Variants in RBFOX1 observed in about 807,000 individuals in gnomAD.
RBFOX1 encodes the protein RNA binding protein fox-1 homolog 1.
A neutral mutation model predicts 57.7 loss-of-function variants in RBFOX1; 8 were observed. The ratio of observed to expected loss-of-function variants is 0.14; its 90% CI spans 0.08 to 0.25. RBFOX1 has a LOEUF of 0.25. RBFOX1 is among the 10% of genes least tolerant of loss of function. The probability of loss-of-function intolerance (pLI) is 1.00; values close to 1 mark genes in which losing one functional copy is unlikely to be tolerated. For missense variants in RBFOX1, 611 were observed against 548.5 expected (o/e 1.11, Z -1.14); for synonymous variants, 326 against 222.4 (o/e 1.47, Z -4.15).
chr16:6,791,975 G>C (rs997643520), intron 3 of RBFOX1, among the ~76,000 whole-genome samples: 1 of 152,120 alleles, frequency 6.6e-6, no homozygotes, highest in Non-Finnish European at 1.5e-5. Context: ...ATGTGTCTTG[G>C]ATTTATAGTC....
At chr16:6,858,714 C>A (rs907112794) in intron 3 of RBFOX1, among the ~76,000 whole-genome samples, 2 of 152,010 alleles carry the variant, frequency 1.3e-5, no homozygotes, top group Non-Finnish European at 2.9e-5. Flanking sequence ...TATGAGTGTT[C>A]AGCTCAGCCT....
intron 3 of RBFOX1, among the ~76,000 whole-genome samples, chr16:6,717,583 CTTT>C (rs57111084): frequency 1.4e-5 from 2 of 143,062 alleles, no homozygotes; most frequent in Non-Finnish European, 1.5e-5. Context: ...ATGCTGAAGT[CTTT>C]TTTTTTTTTT....
At chr16:5,562,055 C>T (rs1464672052) in intron 2 of RBFOX1, among the ~76,000 whole-genome samples, 1 of 152,002 alleles carries the variant, frequency 6.6e-6, no homozygotes, top group Admixed American at 6.5e-5. Flanking sequence ...TTTTTATTTC[C>T]AGGGTGAGAC....
chr16:5,302,608 G>T (rs12932568), intron 1 of RBFOX1, among the ~76,000 whole-genome samples: 23,645 of 152,070 alleles, frequency 0.16, 1,919 homozygotes, highest in Non-Finnish European at 0.18. Flanking sequence ...TCTGTTAATA[G>T]GTACAGCATA....
intron 4 of RBFOX1, among the ~76,000 whole-genome samples, chr16:7,512,881 C>G (rs1567602109): frequency 6.6e-6 from 1 of 152,368 alleles, no homozygotes; most frequent in South Asian, 2.1e-4. Flanking sequence ...ATCAAATACC[C>G]TAGTCCCTGG....
chr16:7,082,933 T>C (rs1025729132), intron 4 of RBFOX1, among the ~76,000 whole-genome samples: 3 of 152,196 alleles, frequency 2.0e-5, no homozygotes, highest in African/African-American at 7.2e-5. Context: ...TGTAAATGTT[T>C]CCACTGTGAA....
intron 3 of RBFOX1, among the ~76,000 whole-genome samples, chr16:6,751,882 C>T (rs138589858): frequency 3.7e-4 from 57 of 152,234 alleles, no homozygotes; most frequent in African/African-American, 1.3e-3. Flanking sequence ...GATGGAGATG[C>T]GCTGCTGGTT....
intron 1 of RBFOX1, among the ~76,000 whole-genome samples, chr16:5,418,336 G>C (rs897901998): frequency 2.2e-5 from 3 of 136,900 alleles, no homozygotes; most frequent in African/African-American, 8.2e-5. Flanking sequence ...ATCTCGGTGG[G>C]AGGCAGGTGC....
intron 12 of RBFOX1, among the ~76,000 whole-genome samples, chr16:7,658,331 G>C (rs1333693881): frequency 6.6e-6 from 1 of 152,126 alleles, no homozygotes; most frequent in Non-Finnish European, 1.5e-5. Flanking sequence ...AAATGGTTGA[G>C]GCACTTGCAT....
intron 3 of RBFOX1, among the ~76,000 whole-genome samples, chr16:6,946,276 G>C (rs889889140): frequency 8.5e-5 from 13 of 152,240 alleles, no homozygotes; most frequent in South Asian, 2.1e-4. Context: ...AATAGCCATA[G>C]ACAATAACAT....
intron 4 of RBFOX1, among the ~76,000 whole-genome samples, chr16:7,375,243 C>G (rs373209688): frequency 2.0e-5 from 3 of 152,200 alleles, no homozygotes; most frequent in Non-Finnish European, 4.4e-5. Context: ...TGTTAAATGA[C>G]ACAGTCTGTA....
chr16:6,663,817 G>A (rs760216136), intron 3 of RBFOX1, among the ~76,000 whole-genome samples: 16 of 152,242 alleles, frequency 1.1e-4, no homozygotes, highest in South Asian at 2.1e-4. Context: ...ATGGGGTGGA[G>A]AGCATCCTGG....
intron 3 of RBFOX1, among the ~76,000 whole-genome samples, chr16:6,800,116 G>A (rs1603626304): frequency 1.3e-5 from 2 of 152,110 alleles, no homozygotes; most frequent in Admixed American, 6.5e-5. Flanking sequence ...TTATGCAGAT[G>A]TATTATCGTT....
chr16:6,567,465 G>A (rs927086131), intron 2 of RBFOX1, among the ~76,000 whole-genome samples: 10 of 152,174 alleles, frequency 6.6e-5, no homozygotes, highest in African/African-American at 1.9e-4. Context: ...TATCTCTCAT[G>A]AGAGAGGCCT....
intron 4 of RBFOX1, among the ~76,000 whole-genome samples, chr16:7,330,513 T>A (rs2096673507): frequency 8.1e-6 from 1 of 123,260 alleles, no homozygotes; most frequent in South Asian, 2.5e-4. Flanking sequence ...TGTGTGTTTG[T>A]GTGTGTGTGT....
chr16:7,196,382 C>T (rs11642443), intron 4 of RBFOX1, among the ~76,000 whole-genome samples: 2 of 152,122 alleles, frequency 1.3e-5, no homozygotes, highest in Non-Finnish European at 2.9e-5. Context: ...CTCCCCAGCC[C>T]CATTTGCCAC....
chr16:5,539,129 A>C (rs563927112), intron 2 of RBFOX1, among the ~76,000 whole-genome samples: 166 of 152,166 alleles, frequency 1.1e-3, no homozygotes, highest in Non-Finnish European at 2.9e-4. Flanking sequence ...TAATTCTTAG[A>C]CACCTGGGCT....
At chr16:5,671,239 A>T (rs1428464804) in intron 3 of RBFOX1, among the ~76,000 whole-genome samples, 3 of 152,246 alleles carry the variant, frequency 2.0e-5, no homozygotes, top group African/African-American at 7.2e-5. Context: ...AAGCAAGAGA[A>T]TAAAAGAGCT....
intron 1 of RBFOX1, among the ~76,000 whole-genome samples, chr16:5,369,437 A>G (rs1404365575): frequency 6.6e-6 from 1 of 152,230 alleles, no homozygotes; most frequent in Non-Finnish European, 1.5e-5. Flanking sequence ...AGTCACTGGC[A>G]TTTGCAAAAG....
Sources: gnomAD v4.1 joint callset for allele counts (sites outside exome capture counted in the v4.1 genomes callset) on GRCh38, gnomAD v4.1.1 for gene constraint, MANE v1.5 for transcripts, NCBI Gene and HGNC (gene_info 2026-07-23, HGNC 2026-07-21) for gene names.